PIGU: variants seen among roughly 807,000 people sequenced by gnomAD.
The protein encoded by PIGU is phosphatidylinositol glycan anchor biosynthesis class U.
A neutral mutation model predicts 49.9 loss-of-function variants in PIGU; 24 were observed. That is an observed-to-expected ratio of 0.48 (90% CI 0.35 to 0.68). The LOEUF (loss-of-function observed/expected upper bound fraction) is 0.68, where lower values mean the gene tolerates loss of function less well. PIGU is among the 30% of genes least tolerant of loss of function. PIGU has a pLI of 0.01. For missense variants in PIGU, 490 were observed against 532.6 expected (o/e 0.92, Z 0.79); for synonymous variants, 220 against 205.7 (o/e 1.07, Z -0.59).
chr20:34,615,189 G>A (rs1984961035), intron 7 of PIGU, among the ~76,000 whole-genome samples: 2 of 152,184 alleles, frequency 1.3e-5, no homozygotes, highest in African/African-American at 4.8e-5. Flanking sequence ...ACTCCATAAA[G>A]TTCTTATGAG....
At chr20:34,585,258 C>A (rs994068247) in intron 9 of PIGU, among the ~76,000 whole-genome samples, 179 bp downstream of exon 9, 2 of 152,228 alleles carry the variant, frequency 1.3e-5, no homozygotes, top group African/African-American at 4.8e-5. Context: ...TGCACCCATG[C>A]GACTCTATTG....
intron 7 of PIGU, among the ~76,000 whole-genome samples, chr20:34,609,218 G>A (rs1297891873): frequency 6.6e-6 from 1 of 152,142 alleles, no homozygotes; most frequent in Admixed American, 6.5e-5. Flanking sequence ...TGAGGCAGGG[G>A]GACTGCTTGA....
chr20:34,670,591 G>C (rs907935968), intron 1 of PIGU, among the ~76,000 whole-genome samples: 1 of 152,030 alleles, frequency 6.6e-6, no homozygotes, highest in African/African-American at 2.4e-5. Flanking sequence ...CCAGGCTGGA[G>C]TGCAGTGGTG....
chr20:34,609,063 G>A (rs1984718591), intron 7 of PIGU, among the ~76,000 whole-genome samples: 1 of 152,008 alleles, frequency 6.6e-6, no homozygotes, highest in Admixed American at 6.6e-5. Context: ...GAGGATTGCT[G>A]TAGCTCAAGA....
intron 4 of PIGU, among the ~76,000 whole-genome samples, chr20:34,639,253 T>C (rs1396446519): frequency 6.6e-6 from 1 of 151,598 alleles, no homozygotes; most frequent in African/African-American, 2.4e-5. Context: ...TACAAAAAAC[T>C]AGCTGGGCAT....
At chr20:34,622,315 G>A (rs1030976612) in intron 6 of PIGU, among the ~76,000 whole-genome samples, 9 of 152,014 alleles carry the variant, frequency 5.9e-5, no homozygotes, top group African/African-American at 2.2e-4. Flanking sequence ...TCAGGAGTTC[G>A]AGACCAGCCT....
At chr20:34,665,363 C>T (rs895851994) in intron 1 of PIGU, among the ~76,000 whole-genome samples, 30 of 151,044 alleles carry the variant, frequency 2.0e-4, no homozygotes, top group Non-Finnish European at 4.0e-4. Flanking sequence ...GCTACCACGC[C>T]CGGCTAATTT....
intron 7 of PIGU, among the ~76,000 whole-genome samples, chr20:34,589,324 G>A (rs142657047): frequency 6.6e-6 from 1 of 152,028 alleles, no homozygotes; most frequent in African/African-American, 2.4e-5. Flanking sequence ...TTAAAAAAAC[G>A]CCAAATTTGG....
intron 11 of PIGU, among the ~76,000 whole-genome samples, chr20:34,566,026 A>G (rs1326609650): frequency 1.3e-5 from 2 of 151,810 alleles, no homozygotes; most frequent in East Asian, 3.9e-4. Context: ...TCACACACAC[A>G]GATGCACACA....
At chr20:34,630,518 G>C (rs1433103804) in intron 6 of PIGU, among the ~76,000 whole-genome samples, 1 of 152,138 alleles carries the variant, frequency 6.6e-6, no homozygotes, top group African/African-American at 2.4e-5. Flanking sequence ...GATGACATTT[G>C]TAAATGCCCC....
chr20:34,601,508 G>T (rs541087554), intron 7 of PIGU, among the ~76,000 whole-genome samples: 20 of 152,276 alleles, frequency 1.3e-4, no homozygotes, highest in African/African-American at 4.8e-4. Flanking sequence ...GGTTGTAAAA[G>T]TTGATTATAT....
chr20:34,660,731 T>C (rs1171103604), intron 1 of PIGU, among the ~76,000 whole-genome samples: 1 of 152,134 alleles, frequency 6.6e-6, no homozygotes, highest in Non-Finnish European at 1.5e-5. Flanking sequence ...AAAATTAAAT[T>C]TAAAAAATTG....
intron 1 of PIGU, among the ~76,000 whole-genome samples, chr20:34,664,341 C>CG (rs1176584678): frequency 6.6e-6 from 1 of 152,118 alleles, no homozygotes; most frequent in Non-Finnish European, 1.5e-5. Context: ...TTTGTAGAAA[C>CG]GGGCTCTTGC....
intron 11 of PIGU, among the ~76,000 whole-genome samples, chr20:34,574,454 C>A (rs964392056): frequency 6.6e-6 from 1 of 152,136 alleles, no homozygotes; most frequent in African/African-American, 2.4e-5. Context: ...GATTGAGAAT[C>A]CTGCTCTGTG....
At chr20:34,651,474 C>T (rs953052743) in intron 2 of PIGU, among the ~76,000 whole-genome samples, 2 of 152,186 alleles carry the variant, frequency 1.3e-5, no homozygotes, top group African/African-American at 4.8e-5. Flanking sequence ...GGATCTTAAT[C>T]CCTGGAGTCC....
intron 2 of PIGU, 116 bp from the exon 3 acceptor site, chr20:34,645,450 C>A: frequency 1.5e-6 from 2 of 1,305,850 alleles, no homozygotes; most frequent in Non-Finnish European, 2.0e-6. Flanking sequence ...TGCTAGTATT[C>A]TCCTTCCTGG....
chr20:34,587,302 T>C (rs912564514), intron 8 of PIGU, among the ~76,000 whole-genome samples: 1 of 152,224 alleles, frequency 6.6e-6, no homozygotes, highest in Admixed American at 6.5e-5. Flanking sequence ...CCTCACCCTC[T>C]GAGTCCAGCT....
chr20:34,580,450 G>A (rs1361461285), intron 10 of PIGU, among the ~76,000 whole-genome samples: 1 of 152,206 alleles, frequency 6.6e-6, no homozygotes, highest in Admixed American at 6.6e-5. Flanking sequence ...CACTCCTATA[G>A]GTAGGCTGCT....
rs1176538252 is a variant in PIGU, at chr20:34,588,683, C to A, written c.628-76G>T. On this transcript the variant is annotated intron_variant, in intron 7 of 11. Transcript: ENST00000217446. Reference sequence around the variant, plus strand: ...CAGCTATTAGCTTACACTTAAAGATCCCTCCCGCAAAACCATACTATGATA... The same window carrying A: ...CAGCTATTAGCTTACACTTAAAGATACCTCCCGCAAAACCATACTATGATA... 5 of 1,398,506 alleles carry A rather than the reference C, an allele frequency of 3.6e-6. No homozygotes were observed. The African/African-American group carries it at 5.8e-5, about 16-fold the overall frequency. 86.6% of individuals were successfully genotyped at this position (1,398,506 alleles called of 1,614,324 possible).
Sources: gnomAD v4.1 joint callset for allele counts (sites outside exome capture counted in the v4.1 genomes callset) on GRCh38, gnomAD v4.1.1 for gene constraint, MANE v1.5 for transcripts, NCBI Gene and HGNC (gene_info 2026-07-23, HGNC 2026-07-21) for gene names.